The following CDC25B variants were observed in gnomAD, a reference collection of about 807,000 sequenced individuals.
CDC25B encodes the protein cell division cycle 25B.
CDC25B carries 33 observed loss-of-function variants against 69.8 expected under a neutral mutation model. The observed-to-expected ratio is 0.47, with a 90% CI of 0.36 to 0.63. The LOEUF is 0.63. CDC25B is among the 30% of genes least tolerant of loss of function. The pLI is 0.00. For synonymous variants in CDC25B, 341 were observed against 314.6 expected (o/e 1.08, Z -0.89); for missense variants, 727 against 809.1 (o/e 0.90, Z 1.23).
chr20:3,804,508 C>T (rs575868440), intron 14 of CDC25B, 61 bp from the exon 15 acceptor site: 4 of 1,056,464 alleles, frequency 3.8e-6, no homozygotes, highest in Admixed American at 3.5e-5. Flanking sequence ...GGGGATAGGT[C>T]CCATGATGTA....
At chr20:3,800,610 T>C in intron 5 of CDC25B, 112 bp downstream of exon 5, 2 of 1,575,870 alleles carry the variant, frequency 1.3e-6, no homozygotes, top group Non-Finnish European at 1.7e-6. Context: ...AGGCAGGCTG[T>C]AGGAGATGGG....
At position 3,805,102 on chromosome 20, in the gene CDC25B, C is replaced by T; in HGVS notation, c.*141C>T. The T allele has an allele frequency of 1.2e-6, 1 of 834,252 alleles. No homozygotes were observed. The highest frequency in any genetic ancestry group is 1.8e-5 in the South Asian group (1 of 55,934). The allele number at this position is 834,252 out of a possible 1,614,324, so 51.7% of individuals were successfully genotyped here. ...ATGGTGTGGGTGTCCTGCCTGTCTG[C>T]CCCAGCCCAGATTCCCCTGTGTCAT... On this transcript the variant is annotated 3_prime_UTR_variant, in exon 16 of 16. Transcript: ENST00000245960.
chr20:3,802,479 C>T, intron 11 of CDC25B, 103 bp downstream of exon 11: 5 of 741,678 alleles, frequency 6.7e-6, no homozygotes, highest in Non-Finnish European at 1.1e-5. Flanking sequence ...CTCCCCGGAG[C>T]CCCCCTTTTC....
chr20:3,801,595 G>A, intron 8 of CDC25B, 127 bp from the exon 9 acceptor site: 1 of 1,032,988 alleles, frequency 9.7e-7, no homozygotes, highest in Non-Finnish European at 1.4e-6. Context: ...GGGAGGTAGG[G>A]GAGCTTCTCA....
At position 3,800,486 on chromosome 20, in the gene CDC25B, C is replaced by T; in HGVS notation, c.447C>T (p.Phe149=). ...GCGAGCAGTTTGCCATCAGACGCTT[C>T]CAGTCTATGCCGGTGAGTGTCTTCG... ...IRNEQFAIRR[F]QSMPVRLLGH... Residue 149 remains phenylalanine (F), a synonymous_variant, in exon 5 of 16, where the codon TTC becomes TTT. Transcript: ENST00000245960. 6.2e-7 allele frequency: 1 copy of T among 1,614,236 alleles called. No homozygotes were observed.
In CDC25B at chr20:3,800,811, G is replaced by A; in HGVS notation, c.528G>A (p.Arg176=). The stretch of plus-strand genomic sequence containing the variant: ...ACTCCCAGGCGCCCGACGGCCGGAG[G>A]AAGAGCGAGGCGGGCAGTGGAGCTG... ...ITNSQAPDGR[R]KSEAGSGAAS... The change falls in exon 6 of 16, where the codon AGG becomes AGA. Residue 176 remains arginine (R), a synonymous_variant. Transcript: ENST00000245960. The A allele has an allele frequency of 6.2e-7, 1 of 1,613,300 alleles. No homozygotes were observed. Among genetic ancestry groups the A allele is most frequent in the Non-Finnish European group, 8.5e-7 (1 of 1,180,038 alleles).
intron 3 of CDC25B, among the ~76,000 whole-genome samples, chr20:3,799,306 C>T (rs909313965): frequency 6.6e-6 from 1 of 152,160 alleles, no homozygotes; most frequent in Non-Finnish European, 1.5e-5. Context: ...TTGGTGGCAG[C>T]ACAGAGCAAT....
intron 14 of CDC25B, among the ~76,000 whole-genome samples, chr20:3,804,368 A>T (rs2089399603): frequency 6.6e-6 from 1 of 152,098 alleles, no homozygotes; most frequent in African/African-American, 2.4e-5. Flanking sequence ...CATCCCCTTG[A>T]TTTTACCTCC....
rs200563877 is a variant in CDC25B at position 3,800,266 on chromosome 20, A to G, written c.381-22A>G. The G allele has an allele frequency of 1.8e-5, 29 of 1,613,106 alleles. No homozygotes were observed. The Admixed American group carries it at 3.8e-4, about 21-fold the overall frequency. ...TGGGTGCGGAGGGAGCATGGGTTGC[A>G]TGGGACCCTTCTCTGTCCTAGGTTT... is the stretch of plus-strand genomic sequence containing the variant. On this transcript the variant is annotated intron_variant, in intron 3 of 15. Transcript: ENST00000245960.
intron 3 of CDC25B, among the ~76,000 whole-genome samples, chr20:3,799,502 G>GTA (rs1463789283): frequency 3.6e-5 from 4 of 112,196 alleles, no homozygotes; most frequent in African/African-American, 1.7e-4. Flanking sequence ...GTGTGTGTGT[G>GTA]TGTGTGTGTG....
rs185351266 is a variant in CDC25B, at chr20:3,801,404, C to G, written c.840+16C>G. The G allele has an allele frequency of 6.3e-7, 1 of 1,588,466 alleles. No homozygotes were observed. Among genetic ancestry groups the G allele is most frequent in the African/African-American group, 1.3e-5 (1 of 74,130 alleles). The stretch of plus-strand genomic sequence containing the variant: ...TGACTTAAAGGTAAACAGCCTTGTC[C>G]CACCAGGCCCCTACCTTCCTATCCC... On this transcript the variant is annotated intron_variant, in intron 8 of 15. Transcript: ENST00000245960.
intron 1 of CDC25B, among the ~76,000 whole-genome samples, chr20:3,788,516 T>G (rs1193715329): frequency 6.6e-6 from 1 of 152,238 alleles, no homozygotes; most frequent in Admixed American, 6.5e-5. Flanking sequence ...TTTTCCTTAT[T>G]GCTTCGGGGT....
rs1217802585 is a variant in CDC25B at position 3,796,418 on chromosome 20, TCC to T, written c.-103_-102del. On this transcript the variant is annotated 5_prime_UTR_variant, in exon 1 of 16. Coordinates refer to ENST00000245960, the MANE Select transcript of CDC25B (RefSeq NM_021873.4). ...CTGTGGCTCTTCCTCCCTCCCTCCT[TCC>T]CCCCCCCCCCACCCCTCGCCCGCTG... 668 of 150,914 alleles carry T rather than the reference TCC, an allele frequency of 4.4e-3. No individual in the cohort carries two copies. The highest frequency in any genetic ancestry group is 7.9e-3 in the South Asian group (37 of 4,670). 9.3% of individuals were successfully genotyped at this position (150,914 alleles called of 1,614,324 possible).
intron 11 of CDC25B, chr20:3,802,650 G>T (rs200127491): frequency 1.7e-6 from 1 of 599,812 alleles, no homozygotes; most frequent in Non-Finnish European, 3.0e-6. Context: ...CCTCACCTTC[G>T]GGCTTGGCAG....
intron 1 of CDC25B, among the ~76,000 whole-genome samples, chr20:3,797,037 C>T (rs62208285): frequency 6.6e-6 from 1 of 152,188 alleles, no homozygotes; most frequent in Non-Finnish European, 1.5e-5. Flanking sequence ...AATCTCTGCC[C>T]GGATAGCCAC....
In CDC25B at chr20:3,802,362, G is replaced by T; in HGVS notation, c.1180G>T (p.Gly394Ter). The change falls in exon 11 of 16, where the codon GGA becomes TGA. Residue 394 changes from glycine to a stop codon, truncating the protein, a stop_gained. Coordinates refer to ENST00000245960, the MANE Select transcript of CDC25B (RefSeq NM_021873.4). LOFTEE classifies it high-confidence loss of function. Reference sequence around the variant, plus strand: ...GGACAGTGACCACCGAGAGCTGATTGGAGATTACTCTAAGGTACCTGCAGC... The same window carrying T: ...GGACAGTGACCACCGAGAGCTGATTTGAGATTACTCTAAGGTACCTGCAGC... ...LLDSDHRELI[G>*]DYSKAFLLQT... The T allele has an allele frequency of 6.2e-7, 1 of 1,606,362 alleles. No homozygotes were observed.
At chr20:3,790,374 G>A (rs1233972154) in intron 1 of CDC25B, among the ~76,000 whole-genome samples, 4 of 144,362 alleles carry the variant, frequency 2.8e-5, no homozygotes, top group Non-Finnish European at 6.1e-5. Context: ...GTCCATTTTG[G>A]AATTTTTTTT....
rs776544177 is a variant in CDC25B at position 3,801,271 on chromosome 20, G to C, written c.723G>C (p.Arg241=). ...GTGGACAGTGTCTCAGTCCTGACCG[G>C]AAGATGGAAGTGGAGGAGCTCAGCC... The part of the protein sequence containing the change: ...APDLMCLSPD[R]KMEVEELSPL... Residue 241 remains arginine, a synonymous_variant, in exon 8 of 16, where the codon CGG becomes CGC. Transcript: ENST00000245960. The C allele has an allele frequency of 1.2e-6, 2 of 1,613,896 alleles. No individual in the cohort carries two copies. The highest frequency in any genetic ancestry group is 2.7e-5 in the African/African-American group (2 of 74,920).
At position 3,799,357 on chromosome 20, in the gene CDC25B, TG is replaced by T. The variant is rs542893893; in HGVS notation, c.380+896del. Among the ~76,000 whole-genome samples the T allele has an allele frequency of 3.0e-3, 450 of 152,280 alleles. 2 individuals carry two copies. In the Middle Eastern group the frequency reaches 0.031, roughly 10 times the overall value. On this transcript the variant is annotated intron_variant, in intron 3 of 15. Transcript: ENST00000245960. ...AGGCCCATGTGCAAGCCAATGAAAT[TG>T]GTCATCCCTGATGCCAGGTTGGCTG...
Sources: gnomAD v4.1 joint callset for allele counts (sites outside exome capture counted in the v4.1 genomes callset) on GRCh38, gnomAD v4.1.1 for gene constraint, MANE v1.5 for transcripts, NCBI Gene and HGNC (gene_info 2026-07-23, HGNC 2026-07-21) for gene names.